The following FAT3 variants were observed in gnomAD, a reference collection of about 807,000 sequenced individuals.
The protein encoded by FAT3 is protocadherin Fat 3.
Under a neutral mutation model 310.2 loss-of-function variants are expected in FAT3, and 95 were observed. The ratio of observed to expected loss-of-function variants is 0.31; its 90% CI spans 0.26 to 0.36. The LOEUF (loss-of-function observed/expected upper bound fraction) is 0.36, where lower values mean the gene tolerates loss of function less well. Ranked by LOEUF, FAT3 falls within the 10% of genes least tolerant of loss-of-function variation. The pLI is 1.00. For synonymous variants in FAT3, 2,314 were observed against 2,192.9 expected (o/e 1.06, Z -1.54); for missense variants, 5,408 against 5,715.6 (o/e 0.95, Z 1.74).
chr11:92,422,746 G>A (rs1358941325), intron 2 of FAT3, among the ~76,000 whole-genome samples: 1 of 152,160 alleles, frequency 6.6e-6, no homozygotes, highest in Non-Finnish European at 1.5e-5. Flanking sequence ...ATGTGAACAT[G>A]GCTTTGGACT....
At chr11:92,659,202 A>G (rs868653184) in intron 3 of FAT3, among the ~76,000 whole-genome samples, 5 of 152,318 alleles carry the variant, frequency 3.3e-5, no homozygotes, top group Middle Eastern at 3.4e-3. Flanking sequence ...TAAAATTCAC[A>G]GAGGCTAACC....
intron 3 of FAT3, among the ~76,000 whole-genome samples, chr11:92,597,369 A>G (rs536953487): frequency 6.6e-6 from 1 of 152,360 alleles, no homozygotes; most frequent in South Asian, 2.1e-4. Flanking sequence ...ATGGAAAATC[A>G]GAGTTTAGAT....
At chr11:92,644,001 C>G (rs1298160897) in intron 3 of FAT3, among the ~76,000 whole-genome samples, 1 of 152,250 alleles carries the variant, frequency 6.6e-6, no homozygotes, top group Non-Finnish European at 1.5e-5. Context: ...GCAAAGGTTA[C>G]TGTCATCATA....
chr11:92,282,463 G>A (rs982634083), intron 1 of FAT3, among the ~76,000 whole-genome samples: 4 of 151,926 alleles, frequency 2.6e-5, no homozygotes, highest in Admixed American at 2.6e-4. Context: ...TCAGGCGTTC[G>A]AGACCAGCCT....
intron 4 of FAT3, among the ~76,000 whole-genome samples, chr11:92,738,477 T>C (rs1945414454): frequency 6.6e-6 from 1 of 152,192 alleles, no homozygotes; most frequent in Admixed American, 6.5e-5. Flanking sequence ...CTCCTCCAGA[T>C]GGGAAGCTCC....
intron 2 of FAT3, among the ~76,000 whole-genome samples, chr11:92,419,792 G>A (rs1267790859): frequency 1.3e-4 from 20 of 152,084 alleles, no homozygotes; most frequent in Admixed American, 1.2e-3. Context: ...CTAGTGAGTC[G>A]ATTTCAGATG....
At chr11:92,889,944 T>A (rs931369970) in intron 27 of FAT3, 53 bp downstream of exon 27, 1 of 717,712 alleles carries the variant, frequency 1.4e-6, no homozygotes, top group African/African-American at 1.7e-5. Flanking sequence ...TTTGAATTGC[T>A]GAGTTCATTC....
intron 1 of FAT3, among the ~76,000 whole-genome samples, chr11:92,289,587 G>T (rs1946643625): frequency 6.6e-6 from 1 of 151,450 alleles, no homozygotes; most frequent in Non-Finnish European, 1.5e-5. Flanking sequence ...TATTCAATTT[G>T]TCAGCAAATC....
intron 3 of FAT3, among the ~76,000 whole-genome samples, chr11:92,688,800 A>T (rs993092512): frequency 7.9e-5 from 12 of 152,160 alleles, no homozygotes; most frequent in Admixed American, 5.2e-4. Context: ...ATTATATATT[A>T]TCCTCTCAAA....
chr11:92,462,055 T>C (rs1426271499), intron 2 of FAT3, among the ~76,000 whole-genome samples: 1 of 152,212 alleles, frequency 6.6e-6, no homozygotes, highest in Non-Finnish European at 1.5e-5. Context: ...TATTTTTTTG[T>C]GGTATACATT....
In FAT3 at chr11:92,891,164, G is replaced by T. The variant is rs2136451599; in HGVS notation, c.*51G>T. On this transcript the variant is annotated 3_prime_UTR_variant, in exon 28 of 28. Transcript: ENST00000525166. ...TGTTTGTTACAGAAAAGTGGAAGCA[G>T]ATTGGCTGGGCTTCTGTCCCAGTGG... 2 of 1,586,620 alleles carry T rather than the reference G, an allele frequency of 1.3e-6. No individual in the cohort carries two copies. The highest frequency in any genetic ancestry group is 1.7e-6 in the Non-Finnish European group (2 of 1,166,802).
At chr11:92,644,397 C>A (rs1476677903) in intron 3 of FAT3, among the ~76,000 whole-genome samples, 1 of 152,170 alleles carries the variant, frequency 6.6e-6, no homozygotes, top group Non-Finnish European at 1.5e-5. Context: ...ATATTCCTGA[C>A]TTCCTCACTG....
chr11:92,852,049 G>C (rs534482638), intron 19 of FAT3, among the ~76,000 whole-genome samples: 1 of 152,146 alleles, frequency 6.6e-6, no homozygotes, highest in Non-Finnish European at 1.5e-5. Context: ...GATAAAGATT[G>C]TAGGGCTTTG....
At chr11:92,758,063 A>G (rs564287510) in intron 4 of FAT3, among the ~76,000 whole-genome samples, 1 of 152,314 alleles carries the variant, frequency 6.6e-6, no homozygotes, top group Non-Finnish European at 1.5e-5. Flanking sequence ...GTTAATTTTC[A>G]TACAGAGACC....
chr11:92,433,237 G>A (rs1289955902), intron 2 of FAT3, among the ~76,000 whole-genome samples: 1 of 152,132 alleles, frequency 6.6e-6, no homozygotes, highest in Admixed American at 6.5e-5. Flanking sequence ...TTCCAGGGGA[G>A]TGAACGGTTC....
chr11:92,730,234 A>C (rs1945136665), intron 4 of FAT3, among the ~76,000 whole-genome samples: 1 of 152,148 alleles, frequency 6.6e-6, no homozygotes, highest in Admixed American at 6.6e-5. Flanking sequence ...GCTACTCAGA[A>C]GGCTGATGAG....
At chr11:92,540,326 G>A (rs1379258879) in intron 3 of FAT3, among the ~76,000 whole-genome samples, 1 of 152,148 alleles carries the variant, frequency 6.6e-6, no homozygotes, top group Non-Finnish European at 1.5e-5. Flanking sequence ...CAGTAGCCAA[G>A]CTTTACTGCA....
At chr11:92,853,879 T>C (rs1395891482) in intron 19 of FAT3, among the ~76,000 whole-genome samples, 1 of 152,134 alleles carries the variant, frequency 6.6e-6, no homozygotes, top group East Asian at 1.9e-4. Context: ...CTCCAGTCTG[T>C]GGAATACCTG....
chr11:92,555,480 T>A (rs1954986053), intron 3 of FAT3, among the ~76,000 whole-genome samples: 2 of 152,208 alleles, frequency 1.3e-5, no homozygotes, highest in Non-Finnish European at 2.9e-5. Flanking sequence ...TTTGCGTACC[T>A]CTAACTCCTG....
Sources: allele counts gnomAD v4.1 joint callset (sites outside exome capture counted in the v4.1 genomes callset), GRCh38; gene constraint gnomAD v4.1.1; transcripts MANE v1.5; gene names NCBI Gene and HGNC (gene_info 2026-07-23, HGNC 2026-07-21).